SLC22A23: variants seen among roughly 807,000 people sequenced by gnomAD.
SLC22A23 encodes solute carrier family 22 member 23, also known as ion transporter protein.
A neutral mutation model predicts 61.0 loss-of-function variants in SLC22A23; 26 were observed. The ratio of observed to expected loss-of-function variants is 0.43; its 90% CI spans 0.31 to 0.59. SLC22A23 has a LOEUF of 0.59. Ranked by LOEUF, SLC22A23 falls within the 20% of genes least tolerant of loss-of-function variation. SLC22A23 has a pLI of 0.11. For missense variants in SLC22A23, 796 were observed against 934.7 expected (o/e 0.85, Z 1.94); for synonymous variants, 430 against 413.9 (o/e 1.04, Z -0.47).
chr6:3,293,986 T>C (rs1393332657), intron 5 of SLC22A23, among the ~76,000 whole-genome samples: 1 of 152,140 alleles, frequency 6.6e-6, no homozygotes, highest in African/African-American at 2.4e-5. Context: ...CGGAGAGGAC[T>C]GATGCTGAGG....
At chr6:3,432,369 T>C (rs1184003636) in intron 1 of SLC22A23, 76 of 985,376 alleles carry the variant, frequency 7.7e-5, no homozygotes, top group Non-Finnish European at 9.2e-5. Flanking sequence ...TAATGTTTTT[T>C]CCCCGAATTC....
At chr6:3,334,353 G>T (rs1039987382) in intron 3 of SLC22A23, among the ~76,000 whole-genome samples, 3 of 152,140 alleles carry the variant, frequency 2.0e-5, no homozygotes, top group Non-Finnish European at 4.4e-5. Flanking sequence ...TAGAGATGGG[G>T]TTTCACCATG....
In SLC22A23 at chr6:3,284,009, G is replaced by T. The variant is rs749825675; in HGVS notation, c.1580-34C>A. On this transcript the variant is annotated intron_variant, in intron 8 of 9. Coordinates refer to ENST00000406686, the MANE Select transcript of SLC22A23 (RefSeq NM_015482.2). The stretch of plus-strand genomic sequence containing the variant: ...AGGTCAGAAGAAGGTGGTGAGGGAA[G>T]AGAGGAAGCCAGGCCAGGGTGGGAG... The T allele has an allele frequency of 3.8e-6, 6 of 1,582,252 alleles. No individual in the cohort carries two copies. The South Asian group carries it at 4.6e-5, about 12-fold the overall frequency.
intron 4 of SLC22A23, among the ~76,000 whole-genome samples, chr6:3,320,422 T>C (rs1762881639): frequency 6.6e-6 from 1 of 152,122 alleles, no homozygotes; most frequent in Admixed American, 6.6e-5. Flanking sequence ...TTTCCAGTCC[T>C]TGTTAAGGTA....
intron 3 of SLC22A23, among the ~76,000 whole-genome samples, chr6:3,401,167 C>T (rs1276907476): frequency 6.6e-6 from 1 of 152,204 alleles, no homozygotes; most frequent in Non-Finnish European, 1.5e-5. Flanking sequence ...CATGGCAAAA[C>T]CCCGTCTCTA....
At chr6:3,439,919 G>A (rs1413783306) in intron 1 of SLC22A23, among the ~76,000 whole-genome samples, 2 of 152,122 alleles carry the variant, frequency 1.3e-5, no homozygotes, top group Non-Finnish European at 2.9e-5. Flanking sequence ...TCGGTGGGTG[G>A]AGCTCTGGGG....
intron 3 of SLC22A23, among the ~76,000 whole-genome samples, chr6:3,389,078 G>A (rs1019752371): frequency 6.6e-6 from 1 of 151,778 alleles, no homozygotes; most frequent in African/African-American, 2.4e-5. Context: ...GACCAGCCTG[G>A]CCAACATGGT....
intron 3 of SLC22A23, among the ~76,000 whole-genome samples, chr6:3,407,118 G>A (rs1007763394): frequency 6.6e-6 from 1 of 152,186 alleles, no homozygotes; most frequent in African/African-American, 2.4e-5. Context: ...TATGGTTGGA[G>A]GAAGAAAAGA....
At chr6:3,378,021 T>C (rs1291060477) in intron 3 of SLC22A23, 1 of 152,150 alleles carries the variant, frequency 6.6e-6, no homozygotes, top group Non-Finnish European at 1.5e-5. Context: ...AGTCCCGAGG[T>C]GTCTGCTGGG....
At position 3,314,319 on chromosome 6, in the gene SLC22A23, G is replaced by A. The variant is rs767879538; in HGVS notation, c.1082+9515C>T. On this transcript the variant is annotated intron_variant, in intron 4 of 9. Coordinates refer to ENST00000406686, the MANE Select transcript of SLC22A23 (RefSeq NM_015482.2). The stretch of plus-strand genomic sequence containing the variant: ...CCAGGTCCCTGGGCCACAGAACCCC[G>A]GGCTCATTATGTATGACTGGGCTGA... 1.8e-4 allele frequency among the ~76,000 whole-genome samples: 28 copies of A among 152,260 alleles called. No homozygotes were observed. In the Middle Eastern group the frequency reaches 0.01, roughly 55 times the overall value.
At chr6:3,357,494 T>C (rs201067648) in intron 3 of SLC22A23, among the ~76,000 whole-genome samples, 3 of 152,218 alleles carry the variant, frequency 2.0e-5, no homozygotes, top group Non-Finnish European at 4.4e-5. Context: ...ATTTCCAAAA[T>C]TGGACTACAT....
intron 9 of SLC22A23, among the ~76,000 whole-genome samples, chr6:3,274,317 C>G (rs1410443879): frequency 6.6e-6 from 1 of 152,194 alleles, no homozygotes; most frequent in Non-Finnish European, 1.5e-5. Context: ...TCAGGCCAGG[C>G]TAGAGAGGGC....
chr6:3,276,335 C>T (rs1399530708), intron 9 of SLC22A23, among the ~76,000 whole-genome samples: 1 of 152,226 alleles, frequency 6.6e-6, no homozygotes, highest in Non-Finnish European at 1.5e-5. Context: ...TTTCCCAGCT[C>T]CTTCCTGTCC....
intron 1 of SLC22A23, among the ~76,000 whole-genome samples, chr6:3,453,442 G>A (rs905344542): frequency 1.3e-5 from 2 of 152,130 alleles, no homozygotes; most frequent in African/African-American, 2.4e-5. Context: ...GAGATATCAT[G>A]CAGAAGGCGA....
intron 4 of SLC22A23, among the ~76,000 whole-genome samples, chr6:3,303,828 A>C (rs1448772969): frequency 6.6e-6 from 1 of 152,208 alleles, no homozygotes; most frequent in Non-Finnish European, 1.5e-5. Flanking sequence ...ATATAGTTTC[A>C]AATATCGAAT....
At chr6:3,413,408 C>T (rs565461171) in intron 2 of SLC22A23, among the ~76,000 whole-genome samples, 22 of 152,286 alleles carry the variant, frequency 1.4e-4, no homozygotes, top group East Asian at 5.8e-4. Flanking sequence ...CAGGAGCTGG[C>T]GGGCAAGGGG....
chr6:3,383,336 G>T (rs74951532), intron 3 of SLC22A23, among the ~76,000 whole-genome samples: 3,392 of 142,664 alleles, frequency 0.024, 141 homozygotes, highest in East Asian at 0.18. Flanking sequence ...ATTCTGGCTG[G>T]TTTTTTCTCT....
chr6:3,380,138 C>T (rs542326620), intron 3 of SLC22A23, among the ~76,000 whole-genome samples: 41 of 152,280 alleles, frequency 2.7e-4, no homozygotes, highest in Middle Eastern at 3.4e-3. Context: ...GCCAGAGTAG[C>T]GCTTGATATC....
At chr6:3,282,331 G>T (rs1215588275) in intron 9 of SLC22A23, 3 of 702,262 alleles carry the variant, frequency 4.3e-6, no homozygotes, top group East Asian at 5.4e-5. Context: ...GATGCAGAAG[G>T]TAGGGACAGG....
Sources: allele counts gnomAD v4.1 joint callset (sites outside exome capture counted in the v4.1 genomes callset), GRCh38; gene constraint gnomAD v4.1.1; transcripts MANE v1.5; gene names NCBI Gene and HGNC (gene_info 2026-07-23, HGNC 2026-07-21).